KCNMA1: variants seen among roughly 807,000 people sequenced by gnomAD.
The protein encoded by KCNMA1 is potassium calcium-activated channel subfamily M alpha 1.
Under a neutral mutation model 140.0 loss-of-function variants are expected in KCNMA1, and 29 were observed. That is an observed-to-expected ratio of 0.21 (90% CI 0.15 to 0.28). The LOEUF (loss-of-function observed/expected upper bound fraction) is 0.28. Among genes scored for constraint, KCNMA1 ranks in the 10% least tolerant of loss-of-function variants. The pLI is 1.00. For missense variants in KCNMA1, 880 were observed against 1,602.2 expected, an observed-to-expected ratio of 0.55 and a Z score of 7.70; for synonymous variants, 612 against 611.9, an observed-to-expected ratio of 1.00 and a Z score of 0.00.
intron 14 of KCNMA1, among the ~76,000 whole-genome samples, chr10:77,070,321 A>G (rs2096144615): frequency 6.6e-6 from 1 of 152,202 alleles, no homozygotes; most frequent in South Asian, 2.1e-4. Context: ...ACAAAAAATT[A>G]AAATAAAATT....
downstream of KCNMA1, among the ~76,000 whole-genome samples, chr10:76,881,350 T>G (rs1564676475): frequency 6.6e-6 from 1 of 152,216 alleles, no homozygotes; most frequent in Non-Finnish European, 1.5e-5. Flanking sequence ...TAGTGTTGTT[T>G]AGATAAATGA....
intron 24 of KCNMA1, 136 bp downstream of exon 24, chr10:76,914,800 C>T (rs1485761376): frequency 1.6e-5 from 11 of 701,116 alleles, no homozygotes; most frequent in Non-Finnish European, 2.6e-5. Context: ...CCCATACCTT[C>T]CTCCCAGCCC....
intron 16 of KCNMA1, among the ~76,000 whole-genome samples, chr10:77,021,384 G>T (rs142420270): frequency 1.3e-5 from 2 of 152,236 alleles, no homozygotes; most frequent in African/African-American, 4.8e-5. Context: ...CACATAGAAG[G>T]TCTTAAATTC....
chr10:77,309,284 A>T (rs1243174231), intron 2 of KCNMA1, among the ~76,000 whole-genome samples: 1 of 152,232 alleles, frequency 6.6e-6, no homozygotes, highest in African/African-American at 2.4e-5. Flanking sequence ...AAAGCCTCCC[A>T]GCCTGAAGTA....
At chr10:77,389,256 A>G (rs2095722889) in intron 2 of KCNMA1, among the ~76,000 whole-genome samples, 1 of 152,182 alleles carries the variant, frequency 6.6e-6, no homozygotes, top group African/African-American at 2.4e-5. Flanking sequence ...CACCCCCCTG[A>G]GTCTGCTACC....
chr10:77,536,099 C>G (rs1180969002), intron 1 of KCNMA1, among the ~76,000 whole-genome samples: 1 of 152,122 alleles, frequency 6.6e-6, no homozygotes, highest in Non-Finnish European at 1.5e-5. Context: ...TCCCAGGTGC[C>G]CAGAGTTGAT....
intron 1 of KCNMA1, among the ~76,000 whole-genome samples, chr10:77,559,686 T>C (rs1323335048): frequency 6.6e-6 from 1 of 152,096 alleles, no homozygotes; most frequent in African/African-American, 2.4e-5. Flanking sequence ...TCTATGTGTG[T>C]TTTTGAGAGG....
chr10:77,047,210 G>A (rs2095108221), intron 14 of KCNMA1, among the ~76,000 whole-genome samples: 1 of 152,130 alleles, frequency 6.6e-6, no homozygotes, highest in Admixed American at 6.6e-5. Flanking sequence ...CAGAAAACTG[G>A]TTGCTTCAGC....
At chr10:77,572,013 G>A (rs1044353694) in intron 1 of KCNMA1, among the ~76,000 whole-genome samples, 3 of 152,076 alleles carry the variant, frequency 2.0e-5, no homozygotes, top group African/African-American at 7.2e-5. Context: ...TGTGTAGTCA[G>A]CAGTTCCAAT....
At chr10:77,406,230 A>G (rs1365611296) in intron 1 of KCNMA1, among the ~76,000 whole-genome samples, 1 of 152,096 alleles carries the variant, frequency 6.6e-6, no homozygotes, top group Non-Finnish European at 1.5e-5. Flanking sequence ...GGTATTTAGG[A>G]GGATGGGGAG....
chr10:77,246,841 A>T (rs1287330546), intron 3 of KCNMA1, among the ~76,000 whole-genome samples: 2 of 152,142 alleles, frequency 1.3e-5, no homozygotes, highest in African/African-American at 4.8e-5. Flanking sequence ...CTTGGATGAG[A>T]TGCTCTACAA....
intron 3 of KCNMA1, among the ~76,000 whole-genome samples, chr10:77,239,475 C>T (rs982157203): frequency 6.6e-6 from 1 of 152,138 alleles, no homozygotes; most frequent in African/African-American, 2.4e-5. Flanking sequence ...GATAGGTATC[C>T]TTGTTAAGGA....
chr10:76,982,806 C>T (rs954435965), intron 19 of KCNMA1, among the ~76,000 whole-genome samples: 1 of 152,218 alleles, frequency 6.6e-6, no homozygotes, highest in African/African-American at 2.4e-5. Flanking sequence ...GCTCAGCCCA[C>T]TTTCCTTTCC....
At chr10:77,173,376 C>A (rs893942083) in intron 5 of KCNMA1, among the ~76,000 whole-genome samples, 1 of 152,080 alleles carries the variant, frequency 6.6e-6, no homozygotes, top group South Asian at 2.1e-4. Context: ...TGACTCTCAG[C>A]AATTTATTTA....
intron 19 of KCNMA1, among the ~76,000 whole-genome samples, chr10:76,984,348 C>T (rs1305965241): frequency 6.6e-6 from 1 of 151,874 alleles, no homozygotes; most frequent in African/African-American, 2.4e-5. Context: ...ATTATAGGCA[C>T]CTGACTAATG....
At chr10:77,489,577 G>C (rs2098507133) in intron 1 of KCNMA1, among the ~76,000 whole-genome samples, 1 of 152,160 alleles carries the variant, frequency 6.6e-6, no homozygotes, top group Non-Finnish European at 1.5e-5. Context: ...GACCTCAGGT[G>C]ATCCGCCTGC....
chr10:77,319,849 G>T (rs112775563), intron 2 of KCNMA1, among the ~76,000 whole-genome samples: 1 of 152,160 alleles, frequency 6.6e-6, no homozygotes, highest in Admixed American at 6.5e-5. Flanking sequence ...CCCTCCTACT[G>T]GCCTCCTACC....
chr10:77,502,984 G>A (rs1376502504), intron 1 of KCNMA1, among the ~76,000 whole-genome samples: 2 of 152,178 alleles, frequency 1.3e-5, no homozygotes, highest in African/African-American at 2.4e-5. Context: ...GAGTGTGGCG[G>A]CACATGCCTG....
At chr10:77,372,233 C>A (rs2094783305) in intron 2 of KCNMA1, among the ~76,000 whole-genome samples, 1 of 152,214 alleles carries the variant, frequency 6.6e-6, no homozygotes, top group African/African-American at 2.4e-5. Context: ...AAACCCCCAT[C>A]CTCCTGGAAT....
Sources: allele counts gnomAD v4.1 joint callset (sites outside exome capture counted in the v4.1 genomes callset), GRCh38; gene constraint gnomAD v4.1.1; transcripts MANE v1.5; gene names NCBI Gene and HGNC (gene_info 2026-07-23, HGNC 2026-07-21).